The following CTNNA3 variants were observed in gnomAD, a reference collection of about 807,000 sequenced individuals.
CTNNA3 encodes catenin alpha-3.
A neutral mutation model predicts 95.7 loss-of-function variants in CTNNA3; 76 were observed. The ratio of observed to expected loss-of-function variants is 0.79; its 90% CI spans 0.66 to 0.96. The LOEUF is 0.96. Among genes scored for constraint, CTNNA3 ranks in the 40% least tolerant of loss-of-function variants. The probability of loss-of-function intolerance (pLI) is 0.00; values close to 1 mark genes in which losing one functional copy is unlikely to be tolerated. For synonymous variants in CTNNA3, 431 were observed against 374.4 expected (o/e 1.15, Z -1.74); for missense variants, 1,191 against 1,089.8 (o/e 1.09, Z -1.31).
chr10:66,144,673 A>G (rs2083790682), intron 13 of CTNNA3, among the ~76,000 whole-genome samples: 1 of 152,148 alleles, frequency 6.6e-6, no homozygotes, highest in Admixed American at 6.5e-5. Context: ...TTTTTAGTAG[A>G]GACGGGGTTT....
intron 7 of CTNNA3, among the ~76,000 whole-genome samples, chr10:67,124,597 A>G (rs1477004359): frequency 6.6e-6 from 1 of 152,162 alleles, no homozygotes; most frequent in African/African-American, 2.4e-5. Context: ...GTCTACAGAG[A>G]AATAATCCAT....
chr10:67,687,043 T>G (rs1473912355), intron 1 of CTNNA3, among the ~76,000 whole-genome samples: 1 of 152,198 alleles, frequency 6.6e-6, no homozygotes, highest in Admixed American at 6.5e-5. Flanking sequence ...GTCTCCCAGT[T>G]ACAACTGAGG....
At chr10:66,447,056 G>C (rs1444347069) in intron 11 of CTNNA3, among the ~76,000 whole-genome samples, 3 of 151,700 alleles carry the variant, frequency 2.0e-5, no homozygotes, top group African/African-American at 7.3e-5. Flanking sequence ...GCCAAATCAT[G>C]AGTGAACTCC....
chr10:67,536,203 A>G (rs554077570), intron 4 of CTNNA3, among the ~76,000 whole-genome samples: 12 of 152,270 alleles, frequency 7.9e-5, no homozygotes, highest in Admixed American at 7.9e-4. Flanking sequence ...TTTTTAGCCT[A>G]GAAAAGGGGA....
intron 9 of CTNNA3, among the ~76,000 whole-genome samples, chr10:66,726,851 A>G (rs1008947746): frequency 3.9e-5 from 6 of 152,232 alleles, no homozygotes; most frequent in East Asian, 3.9e-4. Context: ...TGAAAAAAGC[A>G]TGGACATAAG....
At chr10:67,659,230 C>T (rs910466001) in intron 1 of CTNNA3, among the ~76,000 whole-genome samples, 3 of 152,082 alleles carry the variant, frequency 2.0e-5, no homozygotes, top group African/African-American at 7.2e-5. Context: ...AATCTAATCT[C>T]CCTCTTAAAA....
intron 17 of CTNNA3, among the ~76,000 whole-genome samples, chr10:65,933,137 TACA>T (rs1175135684): frequency 1.3e-5 from 2 of 151,954 alleles, no homozygotes; most frequent in Admixed American, 6.6e-5. Flanking sequence ...ATAAAAAAAA[TACA>T]ACAATATAAT....
intron 9 of CTNNA3, among the ~76,000 whole-genome samples, chr10:66,708,821 T>C (rs1425936717): frequency 6.6e-6 from 1 of 152,128 alleles, no homozygotes; most frequent in Non-Finnish European, 1.5e-5. Context: ...TGCTTCCTTA[T>C]CCAGGGAATT....
At chr10:67,745,901 G>C (rs1033655559) in intron 1 of CTNNA3, among the ~76,000 whole-genome samples, 2 of 151,956 alleles carry the variant, frequency 1.3e-5, no homozygotes, top group Non-Finnish European at 2.9e-5. Context: ...AAAACCATAA[G>C]ACACTGATGA....
At chr10:67,722,921 T>C (rs1302167298) in intron 1 of CTNNA3, among the ~76,000 whole-genome samples, 4 of 151,900 alleles carry the variant, frequency 2.6e-5, no homozygotes, top group African/African-American at 9.7e-5. Flanking sequence ...AAACACTCTA[T>C]AACACAGAGT....
At chr10:67,486,660 C>T (rs1392797153) in intron 5 of CTNNA3, among the ~76,000 whole-genome samples, 5 of 152,074 alleles carry the variant, frequency 3.3e-5, no homozygotes, top group Non-Finnish European at 5.9e-5. Context: ...TTAGCATAAC[C>T]TGAGATAGAG....
chr10:66,202,414 G>GTTTCTGTACCAAACTTCCAA lies in CTNNA3; in HGVS notation c.1884+78036_1884+78055dup, dbSNP rs1338628381. Among the ~76,000 whole-genome samples, 20 of 152,314 alleles carry GTTTCTGTACCAAACTTCCAA rather than the reference G, an allele frequency of 1.3e-4. 1 individual carries two copies. Among genetic ancestry groups the GTTTCTGTACCAAACTTCCAA allele is most frequent in the African/African-American group, 4.3e-4 (18 of 41,574 alleles). On this transcript the variant is annotated intron_variant, in intron 13 of 17. Coordinates refer to ENST00000433211, the MANE Select transcript of CTNNA3 (RefSeq NM_013266.4). ...ATGCCAAGGTACAACCAATCTGGCT[G>GTTTCTGTACCAAACTTCCAA]TTTCTGTACCAAACTTCCAATTTCT...
At chr10:66,121,996 T>C (rs550634150) in intron 13 of CTNNA3, among the ~76,000 whole-genome samples, 57 of 152,292 alleles carry the variant, frequency 3.7e-4, no homozygotes, top group African/African-American at 1.3e-3. Context: ...CTTAATCACA[T>C]AAATGACAAC....
At chr10:67,585,158 G>A (rs966444439) in intron 3 of CTNNA3, among the ~76,000 whole-genome samples, 1 of 152,190 alleles carries the variant, frequency 6.6e-6, no homozygotes, top group African/African-American at 2.4e-5. Flanking sequence ...GCTGGGAGCT[G>A]TAGACTGGAG....
chr10:66,666,866 A>G (rs10740247), intron 9 of CTNNA3, among the ~76,000 whole-genome samples: 99,535 of 151,768 alleles, frequency 0.66, 33,459 homozygotes, highest in East Asian at 0.95. Flanking sequence ...ATTAACAGAT[A>G]TGTTATGTAC....
intron 9 of CTNNA3, among the ~76,000 whole-genome samples, chr10:66,682,741 T>G (rs891537186): frequency 6.6e-6 from 1 of 151,938 alleles, no homozygotes; most frequent in African/African-American, 2.4e-5. Flanking sequence ...TATTTCATGG[T>G]GAAGCCCTTT....
intron 11 of CTNNA3, among the ~76,000 whole-genome samples, chr10:66,408,911 A>AT (rs774813221): frequency 6.6e-6 from 1 of 152,086 alleles, no homozygotes; most frequent in Non-Finnish European, 1.5e-5. Context: ...CACATATCTC[A>AT]TTTTCTTGAC....
At chr10:67,208,630 T>A (rs920281258) in intron 6 of CTNNA3, among the ~76,000 whole-genome samples, 6 of 152,146 alleles carry the variant, frequency 3.9e-5, no homozygotes, top group African/African-American at 1.4e-4. Flanking sequence ...ATAAGAGTTT[T>A]AGAAGAGAAA....
At chr10:66,461,857 G>C (rs1475018012) in intron 11 of CTNNA3, among the ~76,000 whole-genome samples, 2 of 147,820 alleles carry the variant, frequency 1.4e-5, no homozygotes, top group Non-Finnish European at 3.0e-5. Context: ...CTGTCACCCA[G>C]GCTGGAGTAC....
Sources: allele counts gnomAD v4.1 joint callset (sites outside exome capture counted in the v4.1 genomes callset), GRCh38; gene constraint gnomAD v4.1.1; transcripts MANE v1.5; gene names NCBI Gene and HGNC (gene_info 2026-07-23, HGNC 2026-07-21).